The following DEFB110 variants were observed in gnomAD, a reference collection of about 807,000 sequenced individuals.
DEFB110 encodes beta-defensin 110.
DEFB110 carries 4 observed loss-of-function variants against 2.5 expected under a neutral mutation model. The ratio of observed to expected loss-of-function variants is 1.60; its 90% CI spans 0.79 to 3.66. The LOEUF is 3.66. Ranked by LOEUF, DEFB110 falls within the 30% of genes most tolerant of loss-of-function variation. The pLI, the probability that DEFB110 is intolerant of heterozygous loss-of-function variation, is 0.01. For missense variants in DEFB110, 94 were observed against 75.4 expected, an observed-to-expected ratio of 1.25 and a Z score of -0.91; for synonymous variants, 29 against 21.8, an observed-to-expected ratio of 1.33 and a Z score of -0.92.
chr6:50,013,230 A>G (rs1007929760), intron 1 of DEFB110, among the ~76,000 whole-genome samples: 3 of 151,864 alleles, frequency 2.0e-5, no homozygotes, highest in African/African-American at 7.2e-5. Context: ...CTCAAAAGCA[A>G]TATATATGCT....
At chr6:50,015,841 A>C (rs1774306256), downstream of DEFB110, among the ~76,000 whole-genome samples, 1 of 151,790 alleles carries the variant, frequency 6.6e-6, no homozygotes, top group Non-Finnish European at 1.5e-5. Flanking sequence ...GGGAGAATAT[A>C]TTGAATGTAG....
At chr6:50,020,879 T>C (rs1187854425) in intron 1 of DEFB110, among the ~76,000 whole-genome samples, 1 of 152,228 alleles carries the variant, frequency 6.6e-6, no homozygotes, top group African/African-American at 2.4e-5. Context: ...CAAACCCATA[T>C]GTGATTACCC....
intron 1 of DEFB110, among the ~76,000 whole-genome samples, chr6:50,021,370 C>CT (rs1397769625): frequency 9.2e-5 from 14 of 152,160 alleles, no homozygotes; most frequent in African/African-American, 3.4e-4. Context: ...CACAAATTCA[C>CT]TCCTCTCTGA....
chr6:50,011,390 G>T (rs1366634559), intron 1 of DEFB110, among the ~76,000 whole-genome samples: 1 of 151,888 alleles, frequency 6.6e-6, no homozygotes, highest in Non-Finnish European at 1.5e-5. Context: ...GAGAAATTGA[G>T]CCCATGATAA....
chr6:50,018,552 A>G (rs1053689629), downstream of DEFB110, among the ~76,000 whole-genome samples: 7 of 151,926 alleles, frequency 4.6e-5, no homozygotes, highest in African/African-American at 1.7e-4. Flanking sequence ...GGATTTATAT[A>G]TTTACGTGGG....
intron 1 of DEFB110, among the ~76,000 whole-genome samples, chr6:50,021,406 A>G (rs1295284793): frequency 1.3e-5 from 2 of 152,148 alleles, no homozygotes; most frequent in African/African-American, 4.8e-5. Flanking sequence ...TGATACTTCG[A>G]TATTTCAATA....
chr6:50,009,444 G>C (rs945686480), intron 1 of DEFB110, among the ~76,000 whole-genome samples: 5 of 152,116 alleles, frequency 3.3e-5, no homozygotes, highest in Non-Finnish European at 7.4e-5. Flanking sequence ...GAAAATGACT[G>C]AGCTACTAAC....
chr6:50,018,807 A>T, downstream of DEFB110: 1 of 1,290,066 alleles, frequency 7.8e-7, no homozygotes, highest in Non-Finnish European at 9.8e-7. Context: ...GTGTAATGGA[A>T]AGGCACCAGA....
In DEFB110 at chr6:50,021,990, G is replaced by T. The variant is rs758334210; in HGVS notation, c.-55C>A. On this transcript the variant is annotated 5_prime_UTR_variant, in exon 1 of 2. Transcript: ENST00000371148. ...ACAGACCTCCTTTTTCAAGTCAGTT[G>T]TTTTGAAATAAGGAAACAGAGATCC... The T allele has an allele frequency of 9.3e-5, 134 of 1,433,768 alleles. No individual in the cohort carries two copies. Among genetic ancestry groups the T allele is most frequent in the South Asian group, 5.9e-4 (42 of 71,260 alleles). The allele number at this position is 1,433,768 out of a possible 1,614,324, so 88.8% of individuals were successfully genotyped here. A position where few individuals can be genotyped will look rare whatever the true frequency, so the allele number is the denominator to read the frequency against.
intron 1 of DEFB110, among the ~76,000 whole-genome samples, chr6:50,020,700 G>C (rs1774403660): frequency 6.6e-6 from 1 of 152,136 alleles, no homozygotes; most frequent in South Asian, 2.1e-4. Context: ...ATAAAACCAA[G>C]TCCTACTATT....
chr6:50,018,823 G>T, downstream of DEFB110: 12 of 1,330,396 alleles, frequency 9.0e-6, no homozygotes, highest in Non-Finnish European at 1.1e-5. Context: ...CCAGACATGA[G>T]CGTGACATAT....
downstream of DEFB110, among the ~76,000 whole-genome samples, chr6:50,016,334 G>A (rs1466381988): frequency 4.0e-5 from 6 of 151,698 alleles, no homozygotes; most frequent in Non-Finnish European, 7.4e-5. Flanking sequence ...TTTTATCAGA[G>A]TCACTGCTCA....
At chr6:50,016,294 C>T (rs556780344), downstream of DEFB110, among the ~76,000 whole-genome samples, 3 of 151,862 alleles carry the variant, frequency 2.0e-5, no homozygotes, top group African/African-American at 7.2e-5. Context: ...CAAATAACAA[C>T]AAAAATTTCC....
chr6:50,016,031 C>T (rs551882715), downstream of DEFB110, among the ~76,000 whole-genome samples: 4 of 151,812 alleles, frequency 2.6e-5, no homozygotes, highest in Non-Finnish European at 5.9e-5. Context: ...ATCCAAAACC[C>T]ATGACATTAA....
At position 50,018,973 on chromosome 6, in the gene DEFB110, A is replaced by T. The variant is rs767122073; in HGVS notation, c.*4T>A. ...GAGCTTGTGACTCTTTTCTTCTGTC[A>T]TCGTTACTGCTGCAAGCAGCAATGA... On this transcript the variant is annotated 3_prime_UTR_variant, in exon 2 of 2. Transcript: ENST00000371148. The T allele has an allele frequency of 1.9e-6, 3 of 1,607,396 alleles. No individual in the cohort carries two copies. The Admixed American group carries it at 5.1e-5, about 27-fold the overall frequency.
At chr6:50,011,062 T>C (rs1055974917) in intron 1 of DEFB110, among the ~76,000 whole-genome samples, 3 of 151,872 alleles carry the variant, frequency 2.0e-5, no homozygotes, top group Non-Finnish European at 4.4e-5. Flanking sequence ...TATAATTTAT[T>C]TGCAAATTAT....
At chr6:50,013,405 C>T (rs1027923011) in intron 1 of DEFB110, among the ~76,000 whole-genome samples, 3 of 151,696 alleles carry the variant, frequency 2.0e-5, no homozygotes, top group African/African-American at 7.3e-5. Flanking sequence ...GACCTTTTAG[C>T]ACAATAGAAA....
At position 50,021,966 on chromosome 6, in the gene DEFB110, C is replaced by T. The variant is rs779419124; in HGVS notation, c.-31G>A. ...AGAGTTTCTTAAAAAAAGGGGGCAA[C>T]AGACCTCCTTTTTCAAGTCAGTTGT... On this transcript the variant is annotated 5_prime_UTR_variant, in exon 1 of 2. Transcript: ENST00000371148. 1 of 1,512,682 alleles carries T rather than the reference C, an allele frequency of 6.6e-7. No individual in the cohort carries two copies. The highest frequency in any genetic ancestry group is 1.3e-5 in the South Asian group (1 of 76,302). 93.7% of individuals were successfully genotyped at this position (1,512,682 alleles called of 1,614,324 possible).
At chr6:50,010,071 TTA>T (rs1037137895) in intron 1 of DEFB110, among the ~76,000 whole-genome samples, 18 of 152,082 alleles carry the variant, frequency 1.2e-4, no homozygotes, top group African/African-American at 4.3e-4. Context: ...AGGCATATTT[TTA>T]TTTTTCAATT....
Sources: gnomAD v4.1 joint callset for allele counts (sites outside exome capture counted in the v4.1 genomes callset) on GRCh38, gnomAD v4.1.1 for gene constraint, MANE v1.5 for transcripts, NCBI Gene and HGNC (gene_info 2026-07-23, HGNC 2026-07-21) for gene names.